The following STXBP5L variants were observed in gnomAD, a reference collection of about 807,000 sequenced individuals.
STXBP5L encodes the protein syntaxin binding protein 5L.
In STXBP5L, 65 loss-of-function variants were observed where a neutral mutation model predicts 144.5. The observed-to-expected ratio is 0.45, with a 90% CI of 0.37 to 0.55. The LOEUF is 0.55. Among genes scored for constraint, STXBP5L ranks in the 20% least tolerant of loss-of-function variants. The probability of loss-of-function intolerance (pLI) is 0.00; values close to 1 mark genes in which losing one functional copy is unlikely to be tolerated. For missense variants in STXBP5L, 1,298 were observed against 1,405.5 expected (o/e 0.92, Z 1.22); for synonymous variants, 505 against 469.6 (o/e 1.08, Z -0.97).
rs1004452065 is a variant in STXBP5L at position 121,312,175 on chromosome 3, C to G, written c.2111-6300C>G. The stretch of plus-strand genomic sequence containing the variant: ...CTGAAACTGAATCCCTGCCTTACAC[C>G]TTATATAAAAATTAATTCAAGATGG... On this transcript the variant is annotated intron_variant, in intron 19 of 26. Transcript: ENST00000471454. Among the ~76,000 whole-genome samples, 3 of 152,026 alleles carry G rather than the reference C, an allele frequency of 2.0e-5. No homozygotes were observed. The East Asian group carries it at 5.8e-4, about 29-fold the overall frequency.
At chr3:121,368,370 A>G (rs1160834857) in intron 20 of STXBP5L, among the ~76,000 whole-genome samples, 1 of 151,488 alleles carries the variant, frequency 6.6e-6, no homozygotes, top group East Asian at 1.9e-4. Context: ...TATTTTGTTC[A>G]TACATCCTTT....
At chr3:121,308,037 G>A (rs1238672950) in intron 19 of STXBP5L, among the ~76,000 whole-genome samples, 1 of 152,102 alleles carries the variant, frequency 6.6e-6, no homozygotes, top group Non-Finnish European at 1.5e-5. Context: ...TATTCAAATT[G>A]GTCAAACGAA....
chr3:121,329,465 G>C (rs1281682789), intron 20 of STXBP5L, among the ~76,000 whole-genome samples: 1 of 152,206 alleles, frequency 6.6e-6, no homozygotes, highest in Non-Finnish European at 1.5e-5. Flanking sequence ...GTTTGAGCTT[G>C]AATAGGAGGA....
rs982803845 is a variant in STXBP5L, at chr3:121,045,366, CT to C, written c.370-67del. On this transcript the variant is annotated intron_variant, in intron 4 of 26. Coordinates refer to ENST00000471454, the MANE Select transcript of STXBP5L (RefSeq NM_001308330.2). ...AGGTAGTAAACATTGAGTAAATTAG[CT>C]TGTTTGTGATTAAAAAAACCCTAAA... 7.1e-6 allele frequency: 10 copies of C among 1,399,342 alleles called. No individual in the cohort carries two copies. The African/African-American group carries it at 8.7e-5, about 12-fold the overall frequency. The allele number at this position is 1,399,342 out of a possible 1,614,324, so 86.7% of individuals were successfully genotyped here. A position where few individuals can be genotyped will look rare whatever the true frequency, so the allele number is the denominator to read the frequency against.
chr3:121,255,025 A>G lies in STXBP5L; in HGVS notation c.1572A>G (p.Pro524=), dbSNP rs2050161039. The part of the protein sequence containing the change: ...PFAIQMIYWC[P]ESRIFCVSGV... ...CCATTCAGATGATTTACTGGTGTCCAGAGAGCAGAATATTCTGTGTATCAG... is the reference window on the plus strand; with the variant it reads ...CCATTCAGATGATTTACTGGTGTCCGGAGAGCAGAATATTCTGTGTATCAG... Residue 524 remains proline, a synonymous_variant, in exon 16 of 27, where the codon CCA becomes CCG. Transcript: ENST00000471454. The G allele has an allele frequency of 6.2e-7, 1 of 1,613,650 alleles. No homozygotes were observed. Among genetic ancestry groups the G allele is most frequent in the Non-Finnish European group, 8.5e-7 (1 of 1,179,698 alleles).
At chr3:121,044,527 G>T (rs1947376935) in intron 4 of STXBP5L, among the ~76,000 whole-genome samples, 1 of 152,080 alleles carries the variant, frequency 6.6e-6, no homozygotes, top group Middle Eastern at 3.2e-3. Flanking sequence ...AAGCCTTTTA[G>T]GTATCTCTGG....
At chr3:121,118,745 G>T (rs191893805) in intron 6 of STXBP5L, among the ~76,000 whole-genome samples, 5 of 151,568 alleles carry the variant, frequency 3.3e-5, no homozygotes, top group Middle Eastern at 3.4e-3. Flanking sequence ...ACATATTAAA[G>T]AAATATTTAA....
chr3:121,418,407 A>C lies in STXBP5L; in HGVS notation c.3297A>C (p.Glu1099Asp). The C allele has an allele frequency of 1.2e-6, 2 of 1,614,064 alleles. No individual in the cohort carries two copies. The highest frequency in any genetic ancestry group is 1.7e-6 in the Non-Finnish European group (2 of 1,179,954). Residue 1099 changes from glutamate (E) to aspartate (D), a missense_variant, in exon 26 of 27, where the codon GAA becomes GAC. Transcript: ENST00000471454. ...ACATTCCTGGACCAGGTAGTATAGA[A>C]GGGATGAAAGGCGCTGCTGGAGGGG... is the stretch of plus-strand genomic sequence containing the variant. The part of the protein sequence containing the change: ...AQHIPGPGSI[E>D]GMKGAAGGVM...
intron 10 of STXBP5L, among the ~76,000 whole-genome samples, chr3:121,212,347 G>A (rs1363678691): frequency 6.6e-6 from 1 of 152,122 alleles, no homozygotes; most frequent in Non-Finnish European, 1.5e-5. Flanking sequence ...ATGGTTTTAG[G>A]TCTTAAGTTT....
intron 3 of STXBP5L, among the ~76,000 whole-genome samples, chr3:120,981,902 A>G (rs747932267): frequency 2.0e-5 from 3 of 152,142 alleles, no homozygotes; most frequent in Admixed American, 6.5e-5. Context: ...TTTGGCTTCA[A>G]TTCTAGGTGC....
At chr3:121,036,216 C>T (rs900937296) in intron 3 of STXBP5L, among the ~76,000 whole-genome samples, 1 of 151,942 alleles carries the variant, frequency 6.6e-6, no homozygotes, top group Admixed American at 6.6e-5. Context: ...TCCTGTAATC[C>T]CACTTACTTG....
intron 7 of STXBP5L, among the ~76,000 whole-genome samples, chr3:121,126,509 T>TTACTTTAAAAATGTTC (rs1270516735): frequency 1.3e-5 from 2 of 152,162 alleles, no homozygotes; most frequent in Non-Finnish European, 2.9e-5. Flanking sequence ...GACATCACAG[T>TTACTTTAAAAATGTTC]TACTTTAAAA....
intron 20 of STXBP5L, among the ~76,000 whole-genome samples, chr3:121,367,682 C>G (rs1298099493): frequency 1.6e-5 from 2 of 128,894 alleles, no homozygotes; most frequent in Non-Finnish European, 3.1e-5. Context: ...ATCATGGCTT[C>G]TAGCAGCCTT....
At chr3:121,056,218 G>A (rs910973351) in intron 5 of STXBP5L, among the ~76,000 whole-genome samples, 1 of 152,070 alleles carries the variant, frequency 6.6e-6, no homozygotes, top group South Asian at 2.1e-4. Context: ...CATGATCTGA[G>A]TAATGAATAA....
At chr3:121,061,858 G>A (rs1052547335) in intron 5 of STXBP5L, among the ~76,000 whole-genome samples, 3 of 152,112 alleles carry the variant, frequency 2.0e-5, no homozygotes, top group African/African-American at 4.8e-5. Context: ...GAGCCTATGT[G>A]TGTCTTTGCA....
At chr3:121,319,489 T>G (rs1400893384) in intron 20 of STXBP5L, among the ~76,000 whole-genome samples, 1 of 152,164 alleles carries the variant, frequency 6.6e-6, no homozygotes, top group Non-Finnish European at 1.5e-5. Flanking sequence ...TCTAGTTATA[T>G]CCTATGTAAA....
rs562570645 is a variant in STXBP5L, at chr3:121,286,875, C to T, written c.2110+6919C>T. On this transcript the variant is annotated intron_variant, in intron 19 of 26. Coordinates refer to ENST00000471454, the MANE Select transcript of STXBP5L (RefSeq NM_001308330.2). ...ACAGATGGGAAACCTAACAATCACACGCATTTACTATGGCAAGATAATTTC... is the reference window on the plus strand; with the variant it reads ...ACAGATGGGAAACCTAACAATCACATGCATTTACTATGGCAAGATAATTTC... Among the ~76,000 whole-genome samples the T allele has an allele frequency of 5.9e-4, 90 of 151,436 alleles. 1 individual carries two copies. Among genetic ancestry groups the T allele is most frequent in the African/African-American group, 2.1e-3 (85 of 41,278 alleles).
intron 19 of STXBP5L, among the ~76,000 whole-genome samples, chr3:121,313,342 G>C (rs1350308220): frequency 7.2e-6 from 1 of 139,572 alleles, no homozygotes; most frequent in Non-Finnish European, 1.6e-5. Flanking sequence ...CCGGGCGGGG[G>C]GCTGACCCCC....
chr3:121,026,760 A>C (rs13061763), intron 3 of STXBP5L, among the ~76,000 whole-genome samples: 135 of 152,164 alleles, frequency 8.9e-4, no homozygotes, highest in Non-Finnish European at 1.8e-3. Context: ...TAAAATCAGG[A>C]AGAGGTGGCA....
Sources: allele counts gnomAD v4.1 joint callset (sites outside exome capture counted in the v4.1 genomes callset), GRCh38; gene constraint gnomAD v4.1.1; transcripts MANE v1.5; gene names NCBI Gene and HGNC (gene_info 2026-07-23, HGNC 2026-07-21).